CNTNAP2: variants seen among roughly 807,000 people sequenced by gnomAD.
CNTNAP2 encodes the protein contactin-associated protein-like 2.
In CNTNAP2, 98 loss-of-function variants were observed where a neutral mutation model predicts 155.2. The ratio of observed to expected loss-of-function variants is 0.63; its 90% CI spans 0.54 to 0.75. CNTNAP2 has a LOEUF of 0.75. CNTNAP2 is among the 30% of genes least tolerant of loss of function. The pLI is 0.00. For synonymous variants in CNTNAP2, 651 were observed against 631.2 expected (o/e 1.03, Z -0.47); for missense variants, 1,727 against 1,688.1 (o/e 1.02, Z -0.40).
chr7:147,994,135 C>T (rs2527070), intron 15 of CNTNAP2, among the ~76,000 whole-genome samples: 97,809 of 151,948 alleles, frequency 0.64, 33,815 homozygotes, highest in African/African-American at 0.89. Flanking sequence ...TTTGGGAGGC[C>T]GAGGTGGGAG....
chr7:146,426,789 G>A (rs1796099907), intron 1 of CNTNAP2, among the ~76,000 whole-genome samples: 1 of 151,898 alleles, frequency 6.6e-6, no homozygotes, highest in Non-Finnish European at 1.5e-5. Context: ...ATACATCACG[G>A]GGACTACAGT....
At chr7:146,952,904 A>C (rs1384992755) in intron 3 of CNTNAP2, among the ~76,000 whole-genome samples, 3 of 152,146 alleles carry the variant, frequency 2.0e-5, no homozygotes, top group African/African-American at 4.8e-5. Context: ...GAACCTAAAA[A>C]TATTAATCTT....
intron 1 of CNTNAP2, among the ~76,000 whole-genome samples, chr7:146,506,587 T>G (rs1797388666): frequency 1.3e-5 from 2 of 152,176 alleles, no homozygotes. Context: ...GTTACAACCT[T>G]TCGATGGCCC....
At position 146,671,151 on chromosome 7, in the gene CNTNAP2, A is replaced by G. The variant is rs373651401; in HGVS notation, c.98-103120A>G. ...AAGAGACTTTTCTTCTTAAACTGTA[A>G]AAACAAAACAAAAGTAACTGATTAG... On this transcript the variant is annotated intron_variant, in intron 1 of 23. Transcript: ENST00000361727. 8.3e-4 allele frequency among the ~76,000 whole-genome samples: 126 copies of G among 152,264 alleles called. 2 individuals are homozygous for G. In the South Asian group the frequency reaches 0.021, roughly 26 times the overall value.
intron 1 of CNTNAP2, among the ~76,000 whole-genome samples, chr7:146,306,561 C>T (rs1800716807): frequency 6.6e-6 from 1 of 152,112 alleles, no homozygotes; most frequent in African/African-American, 2.4e-5. Flanking sequence ...ATCAAGTTGG[C>T]TTCATCCCTA....
chr7:147,643,906 A>G (rs933013784), intron 13 of CNTNAP2, among the ~76,000 whole-genome samples: 2 of 152,164 alleles, frequency 1.3e-5, no homozygotes, highest in African/African-American at 4.8e-5. Flanking sequence ...ACCCATTATT[A>G]GTATCTTCCA....
At chr7:146,591,341 GA>G (rs1798779478) in intron 1 of CNTNAP2, among the ~76,000 whole-genome samples, 1 of 145,616 alleles carries the variant, frequency 6.9e-6, no homozygotes, top group African/African-American at 2.6e-5. Context: ...AACCACAGAA[GA>G]AAACAATAGG....
At chr7:148,266,539 C>T (rs910110482) in intron 20 of CNTNAP2, among the ~76,000 whole-genome samples, 1 of 152,208 alleles carries the variant, frequency 6.6e-6, no homozygotes, top group South Asian at 2.1e-4. Flanking sequence ...CAGGAGAAAT[C>T]ATTCTCATTG....
At chr7:147,596,770 C>T (rs905850340) in intron 12 of CNTNAP2, among the ~76,000 whole-genome samples, 1 of 152,080 alleles carries the variant, frequency 6.6e-6, no homozygotes, top group Non-Finnish European at 1.5e-5. Flanking sequence ...TTCTAAGTCA[C>T]AGGATGGAAT....
chr7:147,677,466 G>T (rs181484541), intron 13 of CNTNAP2, among the ~76,000 whole-genome samples: 3 of 151,806 alleles, frequency 2.0e-5, no homozygotes, highest in Non-Finnish European at 4.4e-5. Flanking sequence ...CATTCTGTAG[G>T]TTTTCTCTTT....
At chr7:147,757,914 G>C (rs1797236476) in intron 13 of CNTNAP2, among the ~76,000 whole-genome samples, 1 of 152,136 alleles carries the variant, frequency 6.6e-6, no homozygotes, top group Non-Finnish European at 1.5e-5. Context: ...ATCTGTTCTT[G>C]AAGTACATAC....
chr7:146,405,476 A>C (rs1795777864), intron 1 of CNTNAP2, among the ~76,000 whole-genome samples: 1 of 152,218 alleles, frequency 6.6e-6, no homozygotes, highest in African/African-American at 2.4e-5. Context: ...TCACACTTTC[A>C]TTTGATGTGA....
In CNTNAP2 at chr7:147,360,749, C is replaced by T. The variant is rs139181390; in HGVS notation, c.1499-34860C>T. Among the ~76,000 whole-genome samples, 386 of 152,250 alleles carry T rather than the reference C, an allele frequency of 2.5e-3. 6 individuals carry two copies. Among genetic ancestry groups the T allele is most frequent in the Middle Eastern group, 0.02 (6 of 294 alleles). On this transcript the variant is annotated intron_variant, in intron 9 of 23. Coordinates refer to ENST00000361727, the MANE Select transcript of CNTNAP2 (RefSeq NM_014141.6). The stretch of plus-strand genomic sequence containing the variant: ...ATTAATTTTATATAGTGACTGGACA[C>T]TCCAGTGAATTCTCACCAGCCATTT...
chr7:146,435,203 A>G (rs745401674), intron 1 of CNTNAP2, among the ~76,000 whole-genome samples: 5 of 152,144 alleles, frequency 3.3e-5, no homozygotes, highest in Non-Finnish European at 5.9e-5. Flanking sequence ...CAGATGGTCT[A>G]ATTTAAAATT....
chr7:148,069,773 AAAAG>A lies in CNTNAP2; in HGVS notation c.2384-48330_2384-48327del, dbSNP rs1199546348. Among the ~76,000 whole-genome samples the A allele has an allele frequency of 1.2e-4, 18 of 151,842 alleles. No individual in the cohort carries two copies. In the East Asian group the frequency reaches 2.7e-3, roughly 23 times the overall value. On this transcript the variant is annotated intron_variant, in intron 15 of 23. Coordinates refer to ENST00000361727, the MANE Select transcript of CNTNAP2 (RefSeq NM_014141.6). ...AGACTCCGTCTCAAAAAAAAAAAAAAAAAGAAAGAAAGAAAGAATGGGGAGGGGA... is the reference window on the plus strand; with the variant it reads ...AGACTCCGTCTCAAAAAAAAAAAAAAAAAGAAAGAAAGAATGGGGAGGGGA...
At chr7:147,109,951 GTC>G (rs1800843171) in intron 5 of CNTNAP2, among the ~76,000 whole-genome samples, 1 of 151,806 alleles carries the variant, frequency 6.6e-6, no homozygotes, top group Admixed American at 6.6e-5. Context: ...TTGAGTCAGA[GTC>G]TCACCCTGTC....
chr7:146,334,443 A>C (rs1315028372), intron 1 of CNTNAP2, among the ~76,000 whole-genome samples: 1 of 151,940 alleles, frequency 6.6e-6, no homozygotes, highest in African/African-American at 2.4e-5. Flanking sequence ...AAAAAAAAAA[A>C]AAAAGCATCC....
chr7:146,856,261 TATAGATAGATAG>T (rs72247117), intron 3 of CNTNAP2, among the ~76,000 whole-genome samples: 31,147 of 134,682 alleles, frequency 0.23, 3,801 homozygotes, highest in Admixed American at 0.34. Context: ...AGATGATAGA[TATAGATAGATAG>T]ATAGATAGAT....
At chr7:146,558,446 T>C (rs1341203114) in intron 1 of CNTNAP2, among the ~76,000 whole-genome samples, 2 of 152,132 alleles carry the variant, frequency 1.3e-5, no homozygotes, top group African/African-American at 2.4e-5. Context: ...GATTGACATA[T>C]AAAAACTTTA....
Sources: gnomAD v4.1 joint callset for allele counts (sites outside exome capture counted in the v4.1 genomes callset) on GRCh38, gnomAD v4.1.1 for gene constraint, MANE v1.5 for transcripts, NCBI Gene and HGNC (gene_info 2026-07-23, HGNC 2026-07-21) for gene names.